SQSTM1: variants seen among roughly 807,000 people sequenced by gnomAD.
SQSTM1 encodes sequestosome-1.
SQSTM1 carries 36 observed loss-of-function variants against 45.1 expected under a neutral mutation model. That is an observed-to-expected ratio of 0.80 (90% CI 0.61 to 1.05). The LOEUF (loss-of-function observed/expected upper bound fraction) is 1.05. Ranked by LOEUF, SQSTM1 falls within the 50% of genes least tolerant of loss-of-function variation. SQSTM1 has a pLI of 0.00. For missense variants in SQSTM1, 617 were observed against 607.1 expected, an observed-to-expected ratio of 1.02 and a Z score of -0.17; for synonymous variants, 290 against 244.3, an observed-to-expected ratio of 1.19 and a Z score of -1.74.
intron 5 of SQSTM1, among the ~76,000 whole-genome samples, chr5:179,831,695 T>A (rs1481588043): frequency 6.6e-6 from 1 of 151,910 alleles, no homozygotes; most frequent in Non-Finnish European, 1.5e-5. Context: ...CCATTATCAG[T>A]GGTAGGAAAA....
intron 5 of SQSTM1, among the ~76,000 whole-genome samples, chr5:179,827,953 G>A (rs1039395672): frequency 1.2e-4 from 19 of 152,182 alleles, no homozygotes; most frequent in Non-Finnish European, 2.5e-4. Context: ...CTGAGAACCT[G>A]CTGAGGGAGC....
At chr5:179,831,432 C>T (rs981773488) in intron 5 of SQSTM1, among the ~76,000 whole-genome samples, 6 of 152,152 alleles carry the variant, frequency 3.9e-5, no homozygotes, top group Non-Finnish European at 7.4e-5. Flanking sequence ...GAGGCCAAGG[C>T]AGGCAGATCA....
In SQSTM1 at chr5:179,821,099, T is replaced by A. The variant is rs1757757046; in HGVS notation, c.163T>A (p.Phe55Ile). Residue 55 changes from phenylalanine (F) to isoleucine (I), a missense_variant, in exon 1 of 8, where the codon TTC (phenylalanine) becomes ATC (isoleucine). Transcript: ENST00000389805. Reference sequence around the variant, plus strand: ...GCTGCTGAGCCGGGTGGCCGCCCTGTTCCCCGCGCTGCGGCCTGGCGGCTT... The same window carrying A: ...GCTGCTGAGCCGGGTGGCCGCCCTGATCCCCGCGCTGCGGCCTGGCGGCTT... ...ERLLSRVAAL[F>I]PALRPGGFQA... 2.1e-6 allele frequency: 3 copies of A among 1,424,060 alleles called. No homozygotes were observed. Among genetic ancestry groups the A allele is most frequent in the Non-Finnish European group, 2.7e-6 (3 of 1,092,014 alleles). The allele number at this position is 1,424,060 out of a possible 1,614,324, so 88.2% of individuals were successfully genotyped here. A position where few individuals can be genotyped will look rare whatever the true frequency, so the allele number is the denominator to read the frequency against.
intron 5 of SQSTM1, among the ~76,000 whole-genome samples, chr5:179,827,439 C>T (rs1758041557): frequency 6.6e-6 from 1 of 152,162 alleles, no homozygotes; most frequent in South Asian, 2.1e-4. Flanking sequence ...CGCCCACCAC[C>T]ACGCCCGGCT....
chr5:179,824,943 G>A (rs531981388), intron 4 of SQSTM1, among the ~76,000 whole-genome samples: 2 of 152,090 alleles, frequency 1.3e-5, no homozygotes, highest in African/African-American at 4.8e-5. Context: ...GAGATGGCAC[G>A]GGAGAGTGGA....
At chr5:179,811,837 C>G (rs1237342271) in intron 2 of SQSTM1, among the ~76,000 whole-genome samples, 3 of 152,152 alleles carry the variant, frequency 2.0e-5, no homozygotes, top group African/African-American at 7.2e-5. Context: ...AACGGCGGTT[C>G]TCTGTCGCCC....
rs550096373 is a variant in SQSTM1, at chr5:179,836,382, G to A, written c.1166-54G>A. The A allele has an allele frequency of 2.5e-6, 4 of 1,613,100 alleles. No homozygotes were observed. The South Asian group carries it at 3.3e-5, about 13-fold the overall frequency. Reference sequence around the variant, plus strand: ...CCAAGGCAGCAGGGTATGTGTTTCGGGTCACTCACAGGGCTCAGCACCACT... The same window carrying A: ...CCAAGGCAGCAGGGTATGTGTTTCGAGTCACTCACAGGGCTCAGCACCACT... On this transcript the variant is annotated intron_variant, in intron 7 of 7. Coordinates refer to ENST00000389805, the MANE Select transcript of SQSTM1 (RefSeq NM_003900.5).
rs774501769 is a variant in SQSTM1 at position 179,837,921 on chromosome 5, G to C, written c.*1328G>C. On this transcript the variant is annotated 3_prime_UTR_variant, in exon 8 of 8. Transcript: ENST00000389805. ...AGATGGCCATGCCCTCCATGTGTAA[G>C]AACAATGCCAGGGCCCAGGAGGACC... 5.7e-6 allele frequency: 9 copies of C among 1,580,464 alleles called. No homozygotes were observed. In the Admixed American group the frequency reaches 1.5e-4, roughly 27 times the overall value.
At chr5:179,824,440 C>T in intron 4 of SQSTM1, 117 bp downstream of exon 4, 10 of 1,451,754 alleles carry the variant, frequency 6.9e-6, no homozygotes, top group South Asian at 2.3e-5. Flanking sequence ...CCCCACCTTC[C>T]TGGTGCCCTA....
upstream of SQSTM1, chr5:179,820,747 G>C (rs2516294): frequency 6.4e-4 from 324 of 503,236 alleles, 2 homozygotes; most frequent in African/African-American, 6.0e-3. Flanking sequence ...GCGAGGGGTA[G>C]CGGGGAAGGG....
chr5:179,834,479 C>T (rs1041023379), intron 7 of SQSTM1, among the ~76,000 whole-genome samples: 1 of 151,606 alleles, frequency 6.6e-6, no homozygotes, highest in South Asian at 2.1e-4. Context: ...TTGGCAGGGT[C>T]ATAGGACAAT....
intron 5 of SQSTM1, among the ~76,000 whole-genome samples, chr5:179,831,385 GGT>G (rs1758208313): frequency 6.6e-6 from 1 of 152,188 alleles, no homozygotes; most frequent in East Asian, 1.9e-4. Flanking sequence ...AGGCAGGCTG[GGT>G]GCAGTGGCTC....
At chr5:179,835,679 A>G (rs478786) in intron 7 of SQSTM1, 20,571 of 63,334 alleles carry the variant, frequency 0.32, 2,601 homozygotes, top group African/African-American at 0.51. Context: ...GACCGTGGAG[A>G]AAGAGGGAGA....
intron 1 of SQSTM1, among the ~76,000 whole-genome samples, chr5:179,809,172 T>C (rs1445710108): frequency 8.7e-4 from 127 of 145,598 alleles, no homozygotes; most frequent in African/African-American, 3.0e-3. Context: ...TTTTTTTTTT[T>C]TTTTAAGACG....
At chr5:179,823,637 T>A in intron 2 of SQSTM1, 2 of 590,888 alleles carry the variant, frequency 3.4e-6, no homozygotes, top group Non-Finnish European at 6.0e-6. Flanking sequence ...GGCTCCTTGC[T>A]GCTGCTCTGC....
At chr5:179,829,257 G>A (rs1382214726) in intron 5 of SQSTM1, among the ~76,000 whole-genome samples, 1 of 152,346 alleles carries the variant, frequency 6.6e-6, no homozygotes, top group East Asian at 1.9e-4. Flanking sequence ...CAGTTCCCTG[G>A]CCAGGCAGGA....
rs752519655 is a variant in SQSTM1, at chr5:179,836,616, CGTGCCCCTCTTCTGT to C, written c.*24_*38del. 22 of 1,611,626 alleles carry C rather than the reference CGTGCCCCTCTTCTGT, an allele frequency of 1.4e-5. No homozygotes were observed. In the African/African-American group the frequency reaches 2.9e-4, roughly 21 times the overall value. ...TGACCACTTTTGCCCACCTCTTCTG[CGTGCCCCTCTTCTGT>C]CTCATAGTTGTGTTAAGCTTGCGTA... On this transcript the variant is annotated 3_prime_UTR_variant, in exon 8 of 8. Transcript: ENST00000389805.
chr5:179,836,389 C>T (rs781123506), intron 7 of SQSTM1, 47 bp from the exon 8 acceptor site: 24 of 1,613,664 alleles, frequency 1.5e-5, no homozygotes, highest in Non-Finnish European at 1.9e-5. Context: ...TCGGGTCACT[C>T]ACAGGGCTCA....
At position 179,833,024 on chromosome 5, in the gene SQSTM1, G is replaced by A. The variant is rs369581639; in HGVS notation, c.755-8G>A. On this transcript the variant is annotated splice_region_variant and splice_polypyrimidine_tract_variant and intron_variant, in intron 5 of 7. Transcript: ENST00000389805. ...TTCACGGCTTGCTCTTTCCTCCTCC[G>A]CCTCTAGGCATTGAAGTTGATATCG... 4.2e-5 allele frequency: 68 copies of A among 1,613,942 alleles called. No individual in the cohort carries two copies. Among genetic ancestry groups the A allele is most frequent in the East Asian group, 1.8e-4 (8 of 44,892 alleles).
Sources: gnomAD v4.1 joint callset for allele counts (sites outside exome capture counted in the v4.1 genomes callset) on GRCh38, gnomAD v4.1.1 for gene constraint, MANE v1.5 for transcripts, NCBI Gene and HGNC (gene_info 2026-07-23, HGNC 2026-07-21) for gene names.